HHAT: variants seen among roughly 807,000 people sequenced by gnomAD.
HHAT encodes the protein protein-cysteine N-palmitoyltransferase HHAT.
A neutral mutation model predicts 70.8 loss-of-function variants in HHAT; 47 were observed. The ratio of observed to expected loss-of-function variants is 0.66; its 90% CI spans 0.53 to 0.85. The LOEUF (loss-of-function observed/expected upper bound fraction) is 0.85, where lower values mean the gene tolerates loss of function less well. HHAT is among the 40% of genes least tolerant of loss of function. The probability of loss-of-function intolerance (pLI) is 0.00; values close to 1 mark genes in which losing one functional copy is unlikely to be tolerated. For missense variants in HHAT, 609 were observed against 604.8 expected (o/e 1.01, Z -0.07); for synonymous variants, 228 against 247.6 (o/e 0.92, Z 0.74).
chr1:210,400,631 C>T lies in HHAT; in HGVS notation c.437C>T (p.Thr146Ile), dbSNP rs200772379. The stretch of plus-strand genomic sequence containing the variant: ...CTCTGTTCTCTCCTCCTCCTCTCCA[C>T]ACTGAGGCTGCAGGGTGTGGAAGAA... The part of the protein sequence containing the change: ...TWLCSLLLLS[T>I]LRLQGVEEVK... Residue 146 changes from threonine (T) to isoleucine (I), a missense_variant, in exon 5 of 12, where the codon ACA becomes ATA. Thr to Ile is a moderately conservative substitution (Grantham distance 89, BLOSUM62 -1). Coordinates refer to ENST00000261458, the MANE Select transcript of HHAT (RefSeq NM_018194.6). 4.3e-6 allele frequency: 7 copies of T among 1,613,974 alleles called. No individual in the cohort carries two copies. The highest frequency in any genetic ancestry group is 5.9e-6 in the Non-Finnish European group (7 of 1,179,952).
chr1:210,653,633 T>C (rs1048590189), intron 11 of HHAT, among the ~76,000 whole-genome samples: 2 of 151,924 alleles, frequency 1.3e-5, no homozygotes, highest in Admixed American at 6.6e-5. Context: ...GAGATGCCTA[T>C]AGGGGGAGGA....
chr1:210,582,138 G>A (rs1340171432), intron 9 of HHAT, among the ~76,000 whole-genome samples: 1 of 152,220 alleles, frequency 6.6e-6, no homozygotes, highest in African/African-American at 2.4e-5. Flanking sequence ...TGTAGACTGA[G>A]TAGGTGTTGG....
intron 6 of HHAT, among the ~76,000 whole-genome samples, chr1:210,414,843 C>T (rs2092672475): frequency 6.6e-6 from 1 of 152,028 alleles, no homozygotes; most frequent in Non-Finnish European, 1.5e-5. Context: ...TGTGGAGAAA[C>T]CCCGTCTCTA....
chr1:210,613,918 G>C, intron 10 of HHAT, among the ~76,000 whole-genome samples: 1 of 151,638 alleles, frequency 6.6e-6, no homozygotes, highest in East Asian at 1.9e-4. Flanking sequence ...TTCTTAGGAG[G>C]CTGAGGTGGG....
At chr1:210,374,153 T>C (rs1365695729) in intron 3 of HHAT, 4 of 152,186 alleles carry the variant, frequency 2.6e-5, no homozygotes, top group Admixed American at 6.5e-5. Flanking sequence ...TAAAACATGA[T>C]CTGCCTCCCC....
chr1:210,418,133 C>T (rs1431428637), intron 6 of HHAT, 21 bp from the exon 7 acceptor site: 1 of 1,613,168 alleles, frequency 6.2e-7, no homozygotes, highest in Non-Finnish European at 8.5e-7. Context: ...CATCGAATGA[C>T]CTCTTTTGTT....
intron 7 of HHAT, among the ~76,000 whole-genome samples, chr1:210,442,517 T>A (rs954059486): frequency 1.3e-5 from 2 of 150,858 alleles, no homozygotes; most frequent in Middle Eastern, 3.4e-3. Flanking sequence ...CAGCTGTTGT[T>A]TCCTGACTTT....
chr1:210,654,815 T>A (rs1424071018), intron 11 of HHAT, among the ~76,000 whole-genome samples: 1 of 152,130 alleles, frequency 6.6e-6, no homozygotes, highest in African/African-American at 2.4e-5. Context: ...AGGTCAGTAC[T>A]CCTCCCAAGG....
intron 7 of HHAT, among the ~76,000 whole-genome samples, chr1:210,430,619 T>C (rs2093215340): frequency 6.6e-6 from 1 of 151,938 alleles, no homozygotes; most frequent in African/African-American, 2.4e-5. Context: ...TTCAAAATTA[T>C]AATGCTCAAC....
At position 210,500,726 on chromosome 1, in the gene HHAT, C is replaced by T. The variant is rs184876719; in HGVS notation, c.1008-12427C>T. On this transcript the variant is annotated intron_variant, in intron 8 of 11. Transcript: ENST00000261458. ...TAATCTTGCTGCTTTTGGTTGCCTTCTGGGCATCATTACTGAAGTGCTACT... is the reference window on the plus strand; with the variant it reads ...TAATCTTGCTGCTTTTGGTTGCCTTTTGGGCATCATTACTGAAGTGCTACT... 7.4e-4 allele frequency among the ~76,000 whole-genome samples: 113 copies of T among 152,320 alleles called. 1 individual carries two copies. Among genetic ancestry groups the T allele is most frequent in the African/African-American group, 2.5e-3 (102 of 41,572 alleles).
At chr1:210,401,900 G>A (rs2092094781) in intron 5 of HHAT, among the ~76,000 whole-genome samples, 1 of 152,106 alleles carries the variant, frequency 6.6e-6, no homozygotes. Context: ...GGACGGCTCT[G>A]GACTATCTGT....
intron 10 of HHAT, among the ~76,000 whole-genome samples, chr1:210,617,867 G>A (rs1668054546): frequency 6.6e-6 from 1 of 152,186 alleles, no homozygotes; most frequent in African/African-American, 2.4e-5. Flanking sequence ...GAAGGAGGAG[G>A]TATTGCTTTC....
chr1:210,340,588 T>C (rs2085953916), intron 1 of HHAT, among the ~76,000 whole-genome samples: 1 of 152,256 alleles, frequency 6.6e-6, no homozygotes, highest in Non-Finnish European at 1.5e-5. Flanking sequence ...AACTGCTGAC[T>C]TTCCCCTCTT....
At chr1:210,337,622 A>G (rs1035065284) in intron 1 of HHAT, among the ~76,000 whole-genome samples, 1 of 152,086 alleles carries the variant, frequency 6.6e-6, no homozygotes, top group Non-Finnish European at 1.5e-5. Context: ...TGCCTCCATC[A>G]TCACCTCACA....
At chr1:210,522,144 A>G (rs1264341016) in intron 9 of HHAT, among the ~76,000 whole-genome samples, 1 of 152,214 alleles carries the variant, frequency 6.6e-6, no homozygotes, top group African/African-American at 2.4e-5. Flanking sequence ...CCTTATTAAA[A>G]CACTGCTTCC....
chr1:210,496,010 C>CAAAAAAAAAAAAAAAAAAAAAAAAA (rs10639399), intron 8 of HHAT, among the ~76,000 whole-genome samples: 1 of 67,960 alleles, frequency 1.5e-5, no homozygotes, highest in African/African-American at 6.8e-5. Context: ...AACTCTATCT[C>CAAAAAAAAAAAAAAAAAAAAAAAAA]AAAAAAAAAA....
chr1:210,338,043 AAC>A (rs2085664346), intron 1 of HHAT, among the ~76,000 whole-genome samples: 2 of 152,282 alleles, frequency 1.3e-5, no homozygotes, highest in East Asian at 3.9e-4. Context: ...ATACAGAGTC[AAC>A]TGACAGGCAG....
chr1:210,339,636 T>G (rs2085825729), intron 1 of HHAT, among the ~76,000 whole-genome samples: 1 of 152,106 alleles, frequency 6.6e-6, no homozygotes, highest in East Asian at 1.9e-4. Context: ...TTGTGTGAGC[T>G]GGCGCCAAAT....
intron 7 of HHAT, among the ~76,000 whole-genome samples, chr1:210,421,745 T>C (rs8179439): frequency 0.45 from 67,947 of 152,086 alleles, 15,306 homozygotes; most frequent in Admixed American, 0.53. Context: ...GTGCCTGGCC[T>C]GGTATATAAT....
Sources: allele counts gnomAD v4.1 joint callset (sites outside exome capture counted in the v4.1 genomes callset), GRCh38; gene constraint gnomAD v4.1.1; transcripts MANE v1.5; gene names NCBI Gene and HGNC (gene_info 2026-07-23, HGNC 2026-07-21).